VPS39: variants seen among roughly 807,000 people sequenced by gnomAD.
VPS39 encodes the protein vam6/Vps39-like protein.
Under a neutral mutation model 121.0 loss-of-function variants are expected in VPS39, and 70 were observed. The ratio of observed to expected loss-of-function variants is 0.58; its 90% CI spans 0.48 to 0.71. The LOEUF (loss-of-function observed/expected upper bound fraction) is 0.71. VPS39 is among the 30% of genes least tolerant of loss of function. The pLI, the probability that VPS39 is intolerant of heterozygous loss-of-function variation, is 0.00. For synonymous variants in VPS39, 378 were observed against 398.1 expected (o/e 0.95, Z 0.60); for missense variants, 818 against 1,051.5 (o/e 0.78, Z 3.07).
chr15:42,165,726 G>A lies in VPS39; in HGVS notation c.1771C>T (p.Pro591Ser), dbSNP rs1566890811. Reference protein sequence around the residue: ...LIENFKGLAIPYLEHIIHVWE... With the variant: ...LIENFKGLAISYLEHIIHVWE... ...ACCAAAAAATACCTTACCAGATAAG[G>A]AATAGCCAGACCCTTAAAATTCTCT... is the stretch of plus-strand genomic sequence containing the variant. Residue 591 changes from proline to serine, a missense_variant, in exon 17 of 25, where the codon CCT (proline) becomes TCT (serine). By Grantham distance (74) the Pro-to-Ser change is moderately conservative. Coordinates refer to ENST00000318006, the MANE Select transcript of VPS39 (RefSeq NM_015289.5). The A allele has an allele frequency of 6.2e-7, 1 of 1,613,934 alleles. No individual in the cohort carries two copies. Among genetic ancestry groups the A allele is most frequent in the East Asian group, 2.2e-5 (1 of 44,884 alleles).
chr15:42,162,406 G>T lies in VPS39; in HGVS notation c.2251C>A (p.Leu751Met), dbSNP rs775856002. The T allele has an allele frequency of 1.2e-6, 2 of 1,613,734 alleles. No individual in the cohort carries two copies. The highest frequency in any genetic ancestry group is 1.7e-6 in the Non-Finnish European group (2 of 1,179,950). Residue 751 changes from leucine to methionine, a missense_variant, in exon 22 of 25, where the codon CTG (leucine) becomes ATG (methionine). Leu to Met is a conservative substitution (Grantham distance 15, BLOSUM62 2). Transcript: ENST00000318006. ...GCCTGGAGGTTGGCTTTTGGCTCCA[G>T]TAGTTCCAGCTTGATTGGCCCCAGG... ...HCLGPIKLELLEPKANLQAAL... is the reference protein window; with the variant it reads ...HCLGPIKLELMEPKANLQAAL...
intron 1 of VPS39, among the ~76,000 whole-genome samples, chr15:42,201,807 G>C (rs546467952): frequency 6.6e-6 from 1 of 152,164 alleles, no homozygotes; most frequent in Non-Finnish European, 1.5e-5. Context: ...ATAACATAAA[G>C]GTCACTCATT....
At chr15:42,202,686 T>G (rs540041399) in intron 1 of VPS39, among the ~76,000 whole-genome samples, 2 of 152,288 alleles carry the variant, frequency 1.3e-5, no homozygotes, top group African/African-American at 4.8e-5. Flanking sequence ...CCTGCTTTTC[T>G]TTATCTTTTT....
At chr15:42,192,028 T>A in intron 2 of VPS39, 3 of 1,535,206 alleles carry the variant, frequency 2.0e-6, no homozygotes, top group Non-Finnish European at 2.6e-6. Flanking sequence ...CTCAAACCCA[T>A]CTCCAGAGCT....
intron 2 of VPS39, among the ~76,000 whole-genome samples, chr15:42,192,266 G>T (rs1000773807): frequency 1.3e-5 from 2 of 151,970 alleles, no homozygotes; most frequent in African/African-American, 4.8e-5. Context: ...CTACATACTG[G>T]GTTCGGGGTT....
At chr15:42,165,633 C>T in intron 17 of VPS39, 85 bp downstream of exon 17, 1 of 1,120,758 alleles carries the variant, frequency 8.9e-7, no homozygotes, top group Non-Finnish European at 1.3e-6. Flanking sequence ...ACATAAATCC[C>T]AAATCTGAAC....
intron 5 of VPS39, among the ~76,000 whole-genome samples, chr15:42,188,579 C>T (rs1005262637): frequency 1.1e-4 from 17 of 152,120 alleles, no homozygotes; most frequent in African/African-American, 3.9e-4. Context: ...CTGCCTCTTG[C>T]CAATAGTATT....
In VPS39 at chr15:42,166,765, C is replaced by T; in HGVS notation, c.1519+7G>A. 1 of 1,614,030 alleles carries T rather than the reference C, an allele frequency of 6.2e-7. No homozygotes were observed. Among genetic ancestry groups the T allele is most frequent in the Non-Finnish European group, 8.5e-7 (1 of 1,179,880 alleles). On this transcript the variant is annotated splice_region_variant and intron_variant, in intron 14 of 24. Coordinates refer to ENST00000318006, the MANE Select transcript of VPS39 (RefSeq NM_015289.5). ...CCCCTCCCAGATCCAAGGAACCACT[C>T]CCACACCTTTCTCGTGGAGCCCCTT...
At chr15:42,192,400 A>C (rs898886037) in intron 2 of VPS39, among the ~76,000 whole-genome samples, 6 of 152,178 alleles carry the variant, frequency 3.9e-5, no homozygotes, top group African/African-American at 1.4e-4. Context: ...CCAGTGAGGG[A>C]GCCTACAAGC....
chr15:42,173,830 C>A lies in VPS39; in HGVS notation c.983G>T (p.Ser328Ile). Residue 328 changes from serine to isoleucine, a missense_variant, in exon 11 of 25, where the codon AGT becomes ATT. Ser to Ile is a moderately radical substitution (Grantham distance 142). Transcript: ENST00000318006. ...GTGATGAATTTGTTGCTGCTTTTCA[C>A]TGTCAGAATCATCTTTCATTTCCTA... ...QLAEMKDDSDSEKQQQIHHIK... is the reference protein window; with the variant it reads ...QLAEMKDDSDIEKQQQIHHIK... 6.2e-7 allele frequency: 1 copy of A among 1,614,178 alleles called. No individual in the cohort carries two copies. The highest frequency in any genetic ancestry group is 8.5e-7 in the Non-Finnish European group (1 of 1,180,004).
chr15:42,165,537 G>T, intron 17 of VPS39, 181 bp downstream of exon 17: 1 of 545,690 alleles, frequency 1.8e-6, no homozygotes, highest in Non-Finnish European at 3.3e-6. Flanking sequence ...ACCTAGATTT[G>T]GTAGGTAGCA....
At chr15:42,182,668 GAC>G (rs1482228421) in intron 8 of VPS39, among the ~76,000 whole-genome samples, 5 of 152,234 alleles carry the variant, frequency 3.3e-5, no homozygotes, top group African/African-American at 1.2e-4. Context: ...AAGTTGCTGT[GAC>G]AGAGATACCT....
At position 42,161,697 on chromosome 15, in the gene VPS39, T is replaced by C. The variant is rs185398866; in HGVS notation, c.2537A>G (p.Lys846Arg). The C allele has an allele frequency of 6.2e-7, 1 of 1,614,246 alleles. No individual in the cohort carries two copies. The highest frequency in any genetic ancestry group is 1.7e-5 in the Admixed American group (1 of 60,024). ...TEEKVCMVCK[K>R]KIGNSAFARY... ...GGAGGCTCACCTGTTCCCAATCTTCTTCTTACACACCATGCACACCTTCTC... is the reference window on the plus strand; with the variant it reads ...GGAGGCTCACCTGTTCCCAATCTTCCTCTTACACACCATGCACACCTTCTC... Residue 846 changes from lysine (K) to arginine (R), a missense_variant, in exon 24 of 25, where the codon AAG becomes AGG. By Grantham distance (26) the Lys-to-Arg change is conservative. Coordinates refer to ENST00000318006, the MANE Select transcript of VPS39 (RefSeq NM_015289.5).
At chr15:42,165,484 ATTT>A (rs932294685) in intron 17 of VPS39, 5 of 475,528 alleles carry the variant, frequency 1.1e-5, no homozygotes, top group Non-Finnish European at 1.8e-5. Flanking sequence ...TGGCTTTGGA[ATTT>A]TTTTTTCTAA....
At chr15:42,196,224 G>T (rs1566909412) in intron 2 of VPS39, among the ~76,000 whole-genome samples, 2 of 152,022 alleles carry the variant, frequency 1.3e-5, no homozygotes, top group Admixed American at 1.3e-4. Context: ...AACCCTAGAA[G>T]AAAACCTAGG....
At chr15:42,191,287 G>GA in intron 3 of VPS39, 120 bp from the exon 4 acceptor site, 1 of 1,257,098 alleles carries the variant, frequency 8.0e-7, no homozygotes, top group South Asian at 1.3e-5. Flanking sequence ...GGATCTCACT[G>GA]ATTTTTCTGG....
chr15:42,195,902 G>A (rs997994512), intron 2 of VPS39, among the ~76,000 whole-genome samples: 5 of 152,260 alleles, frequency 3.3e-5, no homozygotes, highest in East Asian at 3.9e-4. Flanking sequence ...GAGGCGTCAC[G>A]CTGCCTGACT....
chr15:42,193,187 T>G (rs1282023004), intron 2 of VPS39, among the ~76,000 whole-genome samples: 1 of 152,190 alleles, frequency 6.6e-6, no homozygotes, highest in African/African-American at 2.4e-5. Flanking sequence ...AGAACTTTTT[T>G]GGGGGTTATA....
intron 23 of VPS39, 125 bp downstream of exon 23, chr15:42,161,907 G>A: frequency 6.3e-7 from 1 of 1,587,936 alleles, no homozygotes. Flanking sequence ...TCAATGTCAA[G>A]CTGGCTACTG....
Sources: allele counts gnomAD v4.1 joint callset (sites outside exome capture counted in the v4.1 genomes callset), GRCh38; gene constraint gnomAD v4.1.1; transcripts MANE v1.5; gene names NCBI Gene and HGNC (gene_info 2026-07-23, HGNC 2026-07-21).